DOCK8: variants seen among roughly 807,000 people sequenced by gnomAD.
DOCK8 encodes dedicator of cytokinesis protein 8.
DOCK8 carries 141 observed loss-of-function variants against 245.6 expected under a neutral mutation model. That is an observed-to-expected ratio of 0.57 (90% CI 0.50 to 0.66). DOCK8 has a LOEUF of 0.66. Ranked by LOEUF, DOCK8 falls within the 30% of genes least tolerant of loss-of-function variation. DOCK8 has a pLI of 0.00. For synonymous variants in DOCK8, 1,168 were observed against 970.2 expected (o/e 1.20, Z -3.79); for missense variants, 2,965 against 2,603.4 (o/e 1.14, Z -3.02).
At chr9:402,895 T>G (rs977008539) in intron 26 of DOCK8, among the ~76,000 whole-genome samples, 1 of 152,014 alleles carries the variant, frequency 6.6e-6, no homozygotes, top group African/African-American at 2.4e-5. Flanking sequence ...GAAATGTCTA[T>G]TTTTTTTCTT....
intron 5 of DOCK8, among the ~76,000 whole-genome samples, chr9:304,946 G>A (rs1402895583): frequency 6.6e-6 from 1 of 152,104 alleles, no homozygotes; most frequent in African/African-American, 2.4e-5. Context: ...TCTAACTGGG[G>A]GACAGAGACA....
chr9:241,314 A>T (rs1247454876), intron 1 of DOCK8, among the ~76,000 whole-genome samples: 1 of 152,168 alleles, frequency 6.6e-6, no homozygotes, highest in East Asian at 1.9e-4. Flanking sequence ...AGTATAGAGC[A>T]CTAGAACGTA....
intron 1 of DOCK8, among the ~76,000 whole-genome samples, chr9:225,855 G>C (rs1370839103): frequency 6.6e-6 from 1 of 152,066 alleles, no homozygotes; most frequent in African/African-American, 2.4e-5. Context: ...ATCAAGCAGG[G>C]GAATGACGAA....
chr9:450,321 G>A (rs1035430702), intron 45 of DOCK8, among the ~76,000 whole-genome samples: 2 of 152,160 alleles, frequency 1.3e-5, no homozygotes, highest in African/African-American at 2.4e-5. Context: ...TAGGAGAGAA[G>A]GAAAAGGATC....
intron 4 of DOCK8, among the ~76,000 whole-genome samples, chr9:290,581 G>A (rs890172290): frequency 2.6e-5 from 4 of 152,144 alleles, no homozygotes; most frequent in African/African-American, 9.7e-5. Context: ...ATTGTTCTGA[G>A]CTTTTTCTCT....
chr9:328,349 G>C (rs2050857297), intron 9 of DOCK8, among the ~76,000 whole-genome samples, 178 bp downstream of exon 9: 1 of 152,184 alleles, frequency 6.6e-6, no homozygotes, highest in Non-Finnish European at 1.5e-5. Flanking sequence ...ATACTAGAAA[G>C]ACTAGGTTTT....
chr9:442,390 T>C (rs143873122), intron 42 of DOCK8, among the ~76,000 whole-genome samples: 2,279 of 152,312 alleles, frequency 0.015, 28 homozygotes, highest in Non-Finnish European at 0.024. Context: ...TTTAGCATCT[T>C]GACTTTGAAG....
intron 44 of DOCK8, among the ~76,000 whole-genome samples, chr9:447,664 C>G (rs956112946): frequency 1.3e-5 from 2 of 152,190 alleles, no homozygotes; most frequent in African/African-American, 4.8e-5. Flanking sequence ...TCAGTTTCTC[C>G]ATTATCTAAT....
rs919723786 is a variant in DOCK8 at position 285,170 on chromosome 9, G to A, written c.157-1291G>A. Among the ~76,000 whole-genome samples, 3 of 151,984 alleles carry A rather than the reference G, an allele frequency of 2.0e-5. No homozygotes were observed. In the East Asian group the frequency reaches 5.8e-4, roughly 29 times the overall value. On this transcript the variant is annotated intron_variant, in intron 2 of 47. Coordinates refer to ENST00000432829, the MANE Select transcript of DOCK8 (RefSeq NM_203447.4). The stretch of plus-strand genomic sequence containing the variant: ...GCTTCATCCTCACTCCCTAACTTAC[G>A]CCACTCATGTCTCCTCCATCATCAG...
chr9:257,438 A>G (rs1356806634), intron 1 of DOCK8, among the ~76,000 whole-genome samples: 2 of 152,328 alleles, frequency 1.3e-5, no homozygotes, highest in Non-Finnish European at 2.9e-5. Context: ...TCTGCCAGCA[A>G]TAGACCAGTG....
chr9:452,440 A>G (rs2057499266), intron 46 of DOCK8: 1 of 181,048 alleles, frequency 5.5e-6, no homozygotes, highest in Non-Finnish European at 1.2e-5. Flanking sequence ...CACTTGTTGT[A>G]AAACAAGTAT....
intron 29 of DOCK8, 75 bp from the exon 30 acceptor site, chr9:417,993 C>G: frequency 6.3e-7 from 1 of 1,592,770 alleles, no homozygotes; most frequent in East Asian, 2.2e-5. Context: ...TGAGAAGTAT[C>G]AGTCTCTTAT....
intron 1 of DOCK8, among the ~76,000 whole-genome samples, chr9:235,793 G>A (rs1311288220): frequency 6.6e-6 from 1 of 152,190 alleles, no homozygotes; most frequent in African/African-American, 2.4e-5. Context: ...TTTTCCGGGT[G>A]CCGTCTGTCA....
intron 26 of DOCK8, among the ~76,000 whole-genome samples, chr9:399,847 G>A (rs2054661901): frequency 6.6e-6 from 1 of 151,802 alleles, no homozygotes; most frequent in Admixed American, 6.6e-5. Flanking sequence ...AATATAAATA[G>A]CAGTTATTGT....
intron 2 of DOCK8, among the ~76,000 whole-genome samples, chr9:283,000 G>T (rs141901730): frequency 6.6e-6 from 1 of 152,126 alleles, no homozygotes; most frequent in Non-Finnish European, 1.5e-5. Flanking sequence ...AGAGTGGAAC[G>T]TGTGGGTCCT....
intron 29 of DOCK8, among the ~76,000 whole-genome samples, chr9:417,517 A>G (rs2056080578): frequency 6.6e-6 from 1 of 152,198 alleles, no homozygotes; most frequent in African/African-American, 2.4e-5. Context: ...TTGATTGTAT[A>G]CTGGTAGCAT....
At chr9:332,238 AT>A (rs1235022904) in intron 9 of DOCK8, among the ~76,000 whole-genome samples, 159 bp from the exon 10 acceptor site, 15 of 152,276 alleles carry the variant, frequency 9.9e-5, no homozygotes, top group Admixed American at 7.8e-4. Flanking sequence ...ATAAAATTGT[AT>A]GCTATTCTTT....
chr9:289,102 A>T (rs2048937271), intron 3 of DOCK8, among the ~76,000 whole-genome samples: 1 of 152,168 alleles, frequency 6.6e-6, no homozygotes, highest in African/African-American at 2.4e-5. Context: ...GGCTTTCAAA[A>T]AGGAGAACAC....
chr9:375,407 C>G (rs1055245443), intron 18 of DOCK8, among the ~76,000 whole-genome samples: 1 of 152,114 alleles, frequency 6.6e-6, no homozygotes, highest in Non-Finnish European at 1.5e-5. Context: ...CAGGAGCCGA[C>G]CTGGCCTAGA....
Sources: gnomAD v4.1 joint callset for allele counts (sites outside exome capture counted in the v4.1 genomes callset) on GRCh38, gnomAD v4.1.1 for gene constraint, MANE v1.5 for transcripts, NCBI Gene and HGNC (gene_info 2026-07-23, HGNC 2026-07-21) for gene names.